The following MYO10 variants were observed in gnomAD, a reference collection of about 807,000 sequenced individuals.
MYO10 encodes myosin X, also known as unconventional myosin-X.
MYO10 carries 133 observed loss-of-function variants against 257.3 expected under a neutral mutation model. That is an observed-to-expected ratio of 0.52 (90% CI 0.45 to 0.60). The LOEUF (loss-of-function observed/expected upper bound fraction) is 0.60. Among genes scored for constraint, MYO10 ranks in the 20% least tolerant of loss-of-function variants. The pLI is 0.00. For missense variants in MYO10, 2,399 were observed against 2,635.7 expected (o/e 0.91, Z 1.97); for synonymous variants, 1,104 against 1,028.6 (o/e 1.07, Z -1.40).
At chr5:16,828,163 C>G (rs1743055508) in intron 2 of MYO10, among the ~76,000 whole-genome samples, 1 of 152,122 alleles carries the variant, frequency 6.6e-6, no homozygotes, top group South Asian at 2.1e-4. Flanking sequence ...TTGGTGAGGG[C>G]AGCACACAGC....
intron 2 of MYO10, among the ~76,000 whole-genome samples, chr5:16,870,654 T>A (rs1212685004): frequency 6.6e-6 from 1 of 151,960 alleles, no homozygotes; most frequent in Non-Finnish European, 1.5e-5. Flanking sequence ...GCACTTTGGG[T>A]GGCCAAGGCG....
chr5:16,910,030 C>G (rs1397856374), intron 1 of MYO10, among the ~76,000 whole-genome samples: 1 of 152,098 alleles, frequency 6.6e-6, no homozygotes, highest in Non-Finnish European at 1.5e-5. Context: ...GCCGCAGAAC[C>G]ATGAGCCAAA....
chr5:16,725,043 C>A (rs1739300993), intron 19 of MYO10, among the ~76,000 whole-genome samples: 1 of 150,186 alleles, frequency 6.7e-6, no homozygotes, highest in African/African-American at 2.4e-5. Flanking sequence ...AGACAGTTAA[C>A]CTGTCAGGAT....
Position 16,762,115 on chromosome 5 carries a change from T to TAA in MYO10, c.1588-4_1588-3dup, listed in dbSNP as rs746751894. 8.1e-3 allele frequency: 4,608 copies of TAA among 566,412 alleles called. 40 individuals carry two copies. The highest frequency in any genetic ancestry group is 0.011 in the Middle Eastern group (20 of 1,782). The allele number at this position is 566,412 out of a possible 1,614,324, so 35.1% of individuals were successfully genotyped here. A position where few individuals can be genotyped will look rare whatever the true frequency, so the allele number is the denominator to read the frequency against. On this transcript the variant is annotated splice_polypyrimidine_tract_variant and splice_region_variant and intron_variant, in intron 15 of 40. Coordinates refer to ENST00000513610, the MANE Select transcript of MYO10 (RefSeq NM_012334.3). ...GGGCTTCACATAAAAGTGGTTATTCTAAAAAAAAAAAAAAAAAAAAAAAAA... is the reference window on the plus strand; with the variant it reads ...GGGCTTCACATAAAAGTGGTTATTCTAAAAAAAAAAAAAAAAAAAAAAAAAAA...
At chr5:16,796,479 A>AG (rs1741974733) in intron 3 of MYO10, among the ~76,000 whole-genome samples, 1 of 116,144 alleles carries the variant, frequency 8.6e-6, no homozygotes, top group Non-Finnish European at 1.7e-5. Context: ...AAAAGAAAAG[A>AG]AAAGAAAGAA....
chr5:16,766,466 G>A (rs1005366531), intron 10 of MYO10, among the ~76,000 whole-genome samples: 8 of 152,074 alleles, frequency 5.3e-5, no homozygotes, highest in Admixed American at 2.0e-4. Flanking sequence ...ACGGAGTCTC[G>A]CTCTGTCGCC....
intron 26 of MYO10, among the ~76,000 whole-genome samples, 196 bp downstream of exon 26, chr5:16,699,254 A>G (rs1363915451): frequency 6.6e-6 from 1 of 152,174 alleles, no homozygotes; most frequent in African/African-American, 2.4e-5. Flanking sequence ...TGTCACACCA[A>G]CATGACAAGG....
chr5:16,803,865 C>T (rs1417453537), intron 3 of MYO10, among the ~76,000 whole-genome samples: 1 of 152,212 alleles, frequency 6.6e-6, no homozygotes, highest in Non-Finnish European at 1.5e-5. Context: ...CTCCCTTAGA[C>T]TACCTACCTC....
chr5:16,875,712 A>G (rs1414489887), intron 2 of MYO10, among the ~76,000 whole-genome samples: 1 of 152,250 alleles, frequency 6.6e-6, no homozygotes, highest in East Asian at 1.9e-4. Flanking sequence ...TGGTTCCACC[A>G]AGTAGACCGC....
At chr5:16,818,362 A>C in intron 2 of MYO10, among the ~76,000 whole-genome samples, 195 bp from the exon 3 acceptor site, 1 of 136,836 alleles carries the variant, frequency 7.3e-6, no homozygotes, top group Admixed American at 7.5e-5. Context: ...GTGTGTATGT[A>C]TGTGTGTGTG....
intron 17 of MYO10, among the ~76,000 whole-genome samples, chr5:16,760,012 C>T (rs1740656663): frequency 6.6e-6 from 1 of 151,088 alleles, no homozygotes; most frequent in South Asian, 2.1e-4. Flanking sequence ...AGTATTACAG[C>T]TTTTAAACTT....
chr5:16,725,078 C>CTTCT (rs1554039848), intron 19 of MYO10, among the ~76,000 whole-genome samples: 2 of 74,890 alleles, frequency 2.7e-5, no homozygotes, highest in African/African-American at 9.9e-5. Context: ...CCTTCTTCTT[C>CTTCT]TTTTTTTTTT....
chr5:16,857,189 C>T (rs551790375), intron 2 of MYO10, among the ~76,000 whole-genome samples: 14 of 152,180 alleles, frequency 9.2e-5, no homozygotes, highest in African/African-American at 2.4e-4. Context: ...CTGAAAGCAG[C>T]TCTCCCTTAA....
At chr5:16,833,127 C>T (rs986383323) in intron 2 of MYO10, among the ~76,000 whole-genome samples, 1 of 152,100 alleles carries the variant, frequency 6.6e-6, no homozygotes, top group African/African-American at 2.4e-5. Context: ...GGCATAAAGC[C>T]AACGTTTCTC....
chr5:16,905,104 C>A (rs190269799), intron 1 of MYO10, among the ~76,000 whole-genome samples: 1 of 152,238 alleles, frequency 6.6e-6, no homozygotes, highest in Non-Finnish European at 1.5e-5. Flanking sequence ...TGTAACACAC[C>A]GAACATCAGG....
At chr5:16,674,036 G>C (rs931119426) in intron 35 of MYO10, 147 bp from the exon 36 acceptor site, 11 of 674,730 alleles carry the variant, frequency 1.6e-5, no homozygotes, top group Non-Finnish European at 2.5e-5. Flanking sequence ...TCTTGGCAAG[G>C]GCCCGCTTCA....
intron 21 of MYO10, among the ~76,000 whole-genome samples, chr5:16,705,610 T>C (rs1406068184): frequency 6.6e-6 from 1 of 152,212 alleles, no homozygotes; most frequent in Non-Finnish European, 1.5e-5. Flanking sequence ...CAGATGCATT[T>C]TGGTGTCTCC....
chr5:16,798,206 T>C (rs900124279), intron 3 of MYO10, among the ~76,000 whole-genome samples: 1 of 152,174 alleles, frequency 6.6e-6, no homozygotes, highest in African/African-American at 2.4e-5. Context: ...TCCTTATAAA[T>C]TACCCAGTGT....
rs373208938 is a variant in MYO10 at position 16,710,992 on chromosome 5, C to G, written c.2085G>C (p.Leu695=). ...TGCACTTCCCTCGGACGTCCTCAGG[C>G]AGAGCCAGATTCCTCATCAGCACTT... ...RYKVLMRNLA[L]PEDVRGKCTS... is the part of the protein sequence containing the mutation. Residue 695 remains leucine (L), a synonymous_variant, in exon 21 of 41, where the codon CTG becomes CTC. Transcript: ENST00000513610. 1.2e-6 allele frequency: 2 copies of G among 1,613,858 alleles called. No individual in the cohort carries two copies. Among genetic ancestry groups the G allele is most frequent in the East Asian group, 2.2e-5 (1 of 44,884 alleles).
Sources: gnomAD v4.1 joint callset for allele counts (sites outside exome capture counted in the v4.1 genomes callset) on GRCh38, gnomAD v4.1.1 for gene constraint, MANE v1.5 for transcripts, NCBI Gene and HGNC (gene_info 2026-07-23, HGNC 2026-07-21) for gene names.